The following TFAP2D variants were observed in gnomAD, a reference collection of about 807,000 sequenced individuals.
TFAP2D encodes the protein transcription factor AP-2-delta.
In TFAP2D, 9 loss-of-function variants were observed where a neutral mutation model predicts 43.6. That is an observed-to-expected ratio of 0.21 (90% CI 0.12 to 0.36). The LOEUF is 0.36. TFAP2D is among the 10% of genes least tolerant of loss of function. The pLI is 1.00. For synonymous variants in TFAP2D, 256 were observed against 224.9 expected (o/e 1.14, Z -1.24); for missense variants, 513 against 561.4 (o/e 0.91, Z 0.87).
chr6:50,765,115 A>T (rs535852035), intron 7 of TFAP2D, among the ~76,000 whole-genome samples: 1 of 152,074 alleles, frequency 6.6e-6, no homozygotes, highest in Non-Finnish European at 1.5e-5. Flanking sequence ...TCTGACAACC[A>T]CCCTCTACTC....
chr6:50,713,813 T>C lies in TFAP2D; in HGVS notation c.-243T>C, dbSNP rs1768567483. The stretch of plus-strand genomic sequence containing the variant: ...ATCAGCCAAAGAAATACTCAGCAAG[T>C]ACAAAATCTGTTCCAGGGAGCTGCT... On this transcript the variant is annotated 5_prime_UTR_variant, in exon 1 of 8. Transcript: ENST00000008391. 3.4e-6 allele frequency: 2 copies of C among 590,520 alleles called. No homozygotes were observed. Among genetic ancestry groups the C allele is most frequent in the East Asian group, 5.8e-5 (2 of 34,328 alleles). The allele number at this position is 590,520 out of a possible 1,614,324, so 36.6% of individuals were successfully genotyped here.
intron 7 of TFAP2D, among the ~76,000 whole-genome samples, chr6:50,771,871 AC>A (rs779953741): frequency 1.3e-5 from 2 of 152,172 alleles, no homozygotes; most frequent in Non-Finnish European, 2.9e-5. Flanking sequence ...ATACCACTTG[AC>A]CCAGCCATCC....
intron 7 of TFAP2D, among the ~76,000 whole-genome samples, chr6:50,762,346 C>T (rs980415600): frequency 1.3e-5 from 2 of 151,978 alleles, no homozygotes; most frequent in African/African-American, 4.8e-5. Flanking sequence ...GGTGCACACA[C>T]ACTCTTTCTC....
intron 5 of TFAP2D, among the ~76,000 whole-genome samples, chr6:50,739,506 A>G (rs898500364): frequency 1.3e-5 from 2 of 152,074 alleles, no homozygotes; most frequent in Non-Finnish European, 2.9e-5. Flanking sequence ...AGTCTTTGCT[A>G]TTGGTGAAAA....
In TFAP2D at chr6:50,729,174, TTTTG is replaced by T. The variant is rs1217061743; in HGVS notation, c.765-12_765-9del. The stretch of plus-strand genomic sequence containing the variant: ...AGAATGTGAAATTTCAAAACCTAGT[TTTTG>T]TTTGTTTTTGTACAGAGCAAAATCA... On this transcript the variant is annotated splice_polypyrimidine_tract_variant and intron_variant, in intron 4 of 7. Transcript: ENST00000008391. 6.2e-7 allele frequency: 1 copy of T among 1,609,316 alleles called. No individual in the cohort carries two copies. The highest frequency in any genetic ancestry group is 1.7e-5 in the Admixed American group (1 of 58,778).
chr6:50,724,005 A>T (rs1257984403), intron 3 of TFAP2D, among the ~76,000 whole-genome samples: 1 of 151,936 alleles, frequency 6.6e-6, no homozygotes, highest in African/African-American at 2.4e-5. Context: ...CCCCCAAACA[A>T]TTCGCTCCTT....
intron 6 of TFAP2D, among the ~76,000 whole-genome samples, chr6:50,747,945 C>T (rs1010493458): frequency 2.6e-5 from 4 of 152,034 alleles, no homozygotes; most frequent in African/African-American, 9.7e-5. Flanking sequence ...CATAGCTGCA[C>T]ATTTGCAGAC....
intron 6 of TFAP2D, among the ~76,000 whole-genome samples, chr6:50,750,267 C>A (rs888967510): frequency 6.6e-6 from 1 of 151,858 alleles, no homozygotes; most frequent in African/African-American, 2.4e-5. Flanking sequence ...AAAGTCAGGG[C>A]TACATTATTA....
At chr6:50,749,275 C>T (rs570656483) in intron 6 of TFAP2D, among the ~76,000 whole-genome samples, 9 of 151,758 alleles carry the variant, frequency 5.9e-5, no homozygotes, top group Non-Finnish European at 1.0e-4. Flanking sequence ...CTAATTTCTT[C>T]GTCAATTTTA....
At chr6:50,763,440 G>C (rs749483956) in intron 7 of TFAP2D, among the ~76,000 whole-genome samples, 6 of 152,028 alleles carry the variant, frequency 3.9e-5, no homozygotes, top group Non-Finnish European at 7.4e-5. Context: ...TTTTCTTACA[G>C]TATGTGGGGA....
At chr6:50,762,655 C>A (rs1769378778) in intron 7 of TFAP2D, among the ~76,000 whole-genome samples, 1 of 152,058 alleles carries the variant, frequency 6.6e-6, no homozygotes, top group Non-Finnish European at 1.5e-5. Context: ...GCTTTTAAAA[C>A]CATGAATAAA....
At chr6:50,755,594 T>C (rs1196904710) in intron 7 of TFAP2D, among the ~76,000 whole-genome samples, 3 of 152,012 alleles carry the variant, frequency 2.0e-5, no homozygotes, top group Non-Finnish European at 4.4e-5. Context: ...TCCGTAACTA[T>C]AAGCTTTTTT....
chr6:50,760,514 T>C (rs961776746), intron 7 of TFAP2D, among the ~76,000 whole-genome samples: 5 of 151,892 alleles, frequency 3.3e-5, no homozygotes, highest in African/African-American at 1.2e-4. Flanking sequence ...CATTTGAGAG[T>C]GTTGTCAAGG....
intron 7 of TFAP2D, among the ~76,000 whole-genome samples, chr6:50,758,654 G>C (rs1769324366): frequency 6.6e-6 from 1 of 151,990 alleles, no homozygotes; most frequent in Non-Finnish European, 1.5e-5. Flanking sequence ...AGCATGTTTA[G>C]TTTTCTCCAA....
At position 50,729,241 on chromosome 6, in the gene TFAP2D, G is replaced by T. The variant is rs775741859; in HGVS notation, c.812G>T (p.Arg271Met). 1 of 1,613,952 alleles carries T rather than the reference G, an allele frequency of 6.2e-7. No homozygotes were observed. Among genetic ancestry groups the T allele is most frequent in the Non-Finnish European group, 8.5e-7 (1 of 1,179,862 alleles). ...CGCTGCCTGAGAGAGAAATTGGATA[G>T]GCTTGGCTTAAACTTACCAGCAGGA... ...GGRCLREKLD[R>M]LGLNLPAGRR... The change falls in exon 5 of 8, where the codon AGG (arginine) becomes ATG (methionine). Residue 271 changes from arginine (R) to methionine (M), a missense_variant. Arg to Met is a moderately conservative substitution (Grantham distance 91, BLOSUM62 -1). Transcript: ENST00000008391.
At chr6:50,716,579 G>A (rs1768631640) in intron 2 of TFAP2D, among the ~76,000 whole-genome samples, 1 of 152,178 alleles carries the variant, frequency 6.6e-6, no homozygotes, top group South Asian at 2.1e-4. Context: ...ACACGTGTTT[G>A]CACATTCTTT....
chr6:50,714,231 G>T, intron 1 of TFAP2D, 137 bp downstream of exon 1: 1 of 1,001,496 alleles, frequency 1.0e-6, no homozygotes, highest in Non-Finnish European at 1.4e-6. Context: ...ATTATAATCT[G>T]TCTTTCGGGG....
chr6:50,714,105 T>A lies in TFAP2D; in HGVS notation c.39+11T>A. 1.1e-5 allele frequency: 2 copies of A among 187,324 alleles called. No individual in the cohort carries two copies. Among genetic ancestry groups the A allele is most frequent in the South Asian group, 5.9e-5 (1 of 16,874 alleles). 11.6% of individuals were successfully genotyped at this position (187,324 alleles called of 1,614,324 possible). On this transcript the variant is annotated intron_variant, in intron 1 of 7. Coordinates refer to ENST00000008391, the MANE Select transcript of TFAP2D (RefSeq NM_172238.4). ...GTCCACGATGCCGAGGTATTATTAC[T>A]TTTTTTTTTTTTTTTTTTTGAGCGC...
intron 7 of TFAP2D, among the ~76,000 whole-genome samples, chr6:50,753,551 GT>G (rs1769226458): frequency 6.6e-6 from 1 of 151,740 alleles, no homozygotes; most frequent in South Asian, 2.1e-4. Flanking sequence ...GAACAAGCTG[GT>G]GTTACTCAGA....
Sources: allele counts gnomAD v4.1 joint callset (sites outside exome capture counted in the v4.1 genomes callset), GRCh38; gene constraint gnomAD v4.1.1; transcripts MANE v1.5; gene names NCBI Gene and HGNC (gene_info 2026-07-23, HGNC 2026-07-21).